Variants in ARPIN observed in about 807,000 individuals in gnomAD.
The protein encoded by ARPIN is actin related protein 2/3 complex inhibitor, also known as UPF0552 protein C15orf38.
ARPIN carries 23 observed loss-of-function variants against 25.9 expected under a neutral mutation model. The observed-to-expected ratio is 0.89, with a 90% CI of 0.64 to 1.26. The LOEUF (loss-of-function observed/expected upper bound fraction) is 1.26, where lower values mean the gene tolerates loss of function less well. Ranked by LOEUF, ARPIN falls within the 50% of genes most tolerant of loss-of-function variation. The pLI is 0.00. For missense variants in ARPIN, 333 were observed against 312.2 expected, an observed-to-expected ratio of 1.07 and a Z score of -0.50; for synonymous variants, 126 against 131.4, an observed-to-expected ratio of 0.96 and a Z score of 0.28.
At chr15:89,902,835 G>A in intron 5 of ARPIN, 1 of 1,153,408 alleles carries the variant, frequency 8.7e-7, no homozygotes, top group South Asian at 2.1e-5. Context: ...TTCAGGCAAG[G>A]AGCCCAAACC....
intron 1 of ARPIN, chr15:89,912,428 A>G: frequency 8.5e-7 from 1 of 1,175,106 alleles, no homozygotes; most frequent in Non-Finnish European, 1.1e-6. Context: ...GTTTATAGTT[A>G]CGCGGGTGGG....
In ARPIN at chr15:89,897,269, G is replaced by A. The variant is rs1236621332; in HGVS notation, c.*4526C>T. ...GGAGGCTGAGGAGTGAGGATCACTT[G>A]AGATCAGAAGTTCAAGAAAAGCCTG... On this transcript the variant is annotated 3_prime_UTR_variant, in exon 6 of 6. Coordinates refer to ENST00000357484, the MANE Select transcript of ARPIN (RefSeq NM_182616.4). 2.0e-5 allele frequency: 3 copies of A among 152,180 alleles called. No individual in the cohort carries two copies. The highest frequency in any genetic ancestry group is 4.4e-5 in the Non-Finnish European group (3 of 68,038). 9.4% of individuals were successfully genotyped at this position (152,180 alleles called of 1,614,324 possible).
intron 2 of ARPIN, among the ~76,000 whole-genome samples, chr15:89,908,816 C>T (rs1897173676): frequency 6.6e-6 from 1 of 151,918 alleles, no homozygotes; most frequent in African/African-American, 2.4e-5. Context: ...ACCCTGTCTC[C>T]ATCAAAAATA....
In ARPIN at chr15:89,901,538, T is replaced by C. The variant is rs950813760; in HGVS notation, c.*257A>G. 4 of 534,106 alleles carry C rather than the reference T, an allele frequency of 7.5e-6. No homozygotes were observed. Among genetic ancestry groups the C allele is most frequent in the African/African-American group, 3.9e-5 (2 of 51,678 alleles). 33.1% of individuals were successfully genotyped at this position (534,106 alleles called of 1,614,324 possible). A position where few individuals can be genotyped will look rare whatever the true frequency, so the allele number is the denominator to read the frequency against. ...CTAATTTTTTTTTAAAGGGTCATCA[T>C]GTAATGTCTAGGAAGGCTAGACTCA... On this transcript the variant is annotated 3_prime_UTR_variant, in exon 6 of 6. Coordinates refer to ENST00000357484, the MANE Select transcript of ARPIN (RefSeq NM_182616.4).
rs982271500 is a variant in ARPIN, at chr15:89,910,673, A to G, written c.168+71T>C. 7 of 1,595,948 alleles carry G rather than the reference A, an allele frequency of 4.4e-6. No individual in the cohort carries two copies. In the African/African-American group the frequency reaches 9.4e-5, roughly 21 times the overall value. ...TCATGGCACTGGAAGGACCCAGCAC[A>G]AGGAGATGCCACAGTGGATGATGAC... On this transcript the variant is annotated intron_variant, in intron 2 of 5. Coordinates refer to ENST00000357484, the MANE Select transcript of ARPIN (RefSeq NM_182616.4).
rs1262730614 is a variant in ARPIN at position 89,901,797 on chromosome 15, AG to A, written c.678del (p.Ter227GlufsTer14). ...GCCCCCAGAGGCAGCCACGTCCCTCAGTCATCCTAGAGAAATCCAAGGGGTA... is the reference window on the plus strand; with the variant it reads ...GCCCCCAGAGGCAGCCACGTCCCTCATCATCCTAGAGAAATCCAAGGGGTA... ...GDGAEDEEWDD is the reference protein window; with the variant it reads ...GDGAEDEEWDX On this transcript the variant is annotated frameshift_variant, in exon 6 of 6. Transcript: ENST00000357484. LOFTEE classifies it high-confidence loss of function. The A allele has an allele frequency of 6.2e-7, 1 of 1,614,016 alleles. No individual in the cohort carries two copies. Among genetic ancestry groups the A allele is most frequent in the Non-Finnish European group, 8.5e-7 (1 of 1,179,908 alleles).
chr15:89,902,284 T>C (rs536096719), intron 5 of ARPIN, among the ~76,000 whole-genome samples: 9 of 151,974 alleles, frequency 5.9e-5, no homozygotes, highest in Non-Finnish European at 1.2e-4. Context: ...GGCGCATGCC[T>C]GTAATCCCAG....
rs553864792 is a variant in ARPIN at position 89,908,072 on chromosome 15, C to G, written c.301+208G>C. On this transcript the variant is annotated intron_variant, in intron 3 of 5. Coordinates refer to ENST00000357484, the MANE Select transcript of ARPIN (RefSeq NM_182616.4). ...GCAGGAGGTGGGAAGGCCAGCCTGG[C>G]CCCTGGAATGGAGGGGAGGGAACGG... Among the ~76,000 whole-genome samples, 13 of 152,224 alleles carry G rather than the reference C, an allele frequency of 8.5e-5. No homozygotes were observed. The South Asian group carries it at 2.7e-3, about 32-fold the overall frequency.
chr15:89,903,227 C>T lies in ARPIN; in HGVS notation c.661G>A (p.Asp221Asn), dbSNP rs558274265. Reference sequence around the variant, plus strand: ...CACCAGGTACCTACCCACTCCTCGTCCTCTGCCCCATCCCCCTGCTCTCGG... The same window carrying T: ...CACCAGGTACCTACCCACTCCTCGTTCTCTGCCCCATCCCCCTGCTCTCGG... ...EIREQGDGAE[D>N]EEWDD The change falls in exon 5 of 6, where the codon GAC (aspartate) becomes AAC (asparagine). Residue 221 changes from aspartate to asparagine, a missense_variant. Physicochemically the swap from Asp to Asn is conservative, Grantham distance 23. Coordinates refer to ENST00000357484, the MANE Select transcript of ARPIN (RefSeq NM_182616.4). 6.2e-7 allele frequency: 1 copy of T among 1,614,242 alleles called. No homozygotes were observed. Among genetic ancestry groups the T allele is most frequent in the African/African-American group, 1.3e-5 (1 of 75,056 alleles).
chr15:89,912,717 G>T, intron 1 of ARPIN, 27 bp downstream of exon 1: 1 of 1,261,556 alleles, frequency 7.9e-7, no homozygotes. Flanking sequence ...AGGGGAGGCC[G>T]ACCCGAGGCC....
chr15:89,910,452 T>G (rs1334331507), intron 2 of ARPIN, among the ~76,000 whole-genome samples: 1 of 152,140 alleles, frequency 6.6e-6, no homozygotes, highest in Non-Finnish European at 1.5e-5. Flanking sequence ...GAGTTTACAT[T>G]CAGGCAAGAC....
intron 4 of ARPIN, 93 bp from the exon 5 acceptor site, chr15:89,903,472 G>A: frequency 6.4e-7 from 1 of 1,564,990 alleles, no homozygotes; most frequent in African/African-American, 1.4e-5. Flanking sequence ...CTAGGCCTGG[G>A]TTAAACCACT....
intron 3 of ARPIN, among the ~76,000 whole-genome samples, chr15:89,906,704 GAT>G (rs1243838021): frequency 1.3e-5 from 2 of 152,174 alleles, no homozygotes; most frequent in Non-Finnish European, 2.9e-5. Flanking sequence ...TGAATAAAGT[GAT>G]AGAGTCCCAC....
intron 2 of ARPIN, among the ~76,000 whole-genome samples, chr15:89,908,721 C>T (rs151165450): frequency 5.9e-4 from 90 of 152,200 alleles, no homozygotes; most frequent in African/African-American, 2.1e-3. Context: ...CAGTGGCTCA[C>T]GTCTGTAATC....
chr15:89,899,690 A>C lies in ARPIN; in HGVS notation c.*2105T>G, dbSNP rs1896988104. On this transcript the variant is annotated 3_prime_UTR_variant, in exon 6 of 6. Coordinates refer to ENST00000357484, the MANE Select transcript of ARPIN (RefSeq NM_182616.4). ...GACCCCTCTAGCCTCTCACCCAGGC[A>C]ACTGCAGCAGTCTCCTAAAGGAGCA... The C allele has an allele frequency of 6.6e-6, 1 of 152,126 alleles. No individual in the cohort carries two copies. The highest frequency in any genetic ancestry group is 2.4e-5 in the African/African-American group (1 of 41,274). 9.4% of individuals were successfully genotyped at this position (152,126 alleles called of 1,614,324 possible). A position where few individuals can be genotyped will look rare whatever the true frequency, so the allele number is the denominator to read the frequency against.
Position 89,901,737 on chromosome 15 carries a change from A to G in ARPIN, c.*58T>C, listed in dbSNP as rs1897024475. 6.3e-6 allele frequency: 10 copies of G among 1,595,764 alleles called. No homozygotes were observed. Among genetic ancestry groups the G allele is most frequent in the Non-Finnish European group, 8.6e-6 (10 of 1,163,656 alleles). ...CCAGCTCCAGAGTAGAAGTTCATGGAAGAAATGTTCCACAATGCTACAGAA... is the reference window on the plus strand; with the variant it reads ...CCAGCTCCAGAGTAGAAGTTCATGGGAGAAATGTTCCACAATGCTACAGAA... On this transcript the variant is annotated 3_prime_UTR_variant, in exon 6 of 6. Coordinates refer to ENST00000357484, the MANE Select transcript of ARPIN (RefSeq NM_182616.4).
chr15:89,906,928 C>A (rs997067793), intron 3 of ARPIN, among the ~76,000 whole-genome samples: 2 of 151,372 alleles, frequency 1.3e-5, no homozygotes, highest in Non-Finnish European at 2.9e-5. Context: ...GCACTCCAGC[C>A]TGGGGGACAG....
chr15:89,908,818 T>A (rs1407629263), intron 2 of ARPIN, among the ~76,000 whole-genome samples: 1 of 151,782 alleles, frequency 6.6e-6, no homozygotes, highest in Non-Finnish European at 1.5e-5. Context: ...CCTGTCTCCA[T>A]CAAAAATATA....
intron 3 of ARPIN, among the ~76,000 whole-genome samples, chr15:89,906,305 C>A (rs1897119212): frequency 6.6e-6 from 1 of 152,152 alleles, no homozygotes; most frequent in Non-Finnish European, 1.5e-5. Context: ...TAGAGTTGAG[C>A]TCCTCAGTGC....
Sources: gnomAD v4.1 joint callset for allele counts (sites outside exome capture counted in the v4.1 genomes callset) on GRCh38, gnomAD v4.1.1 for gene constraint, MANE v1.5 for transcripts, NCBI Gene and HGNC (gene_info 2026-07-23, HGNC 2026-07-21) for gene names.